The following BNC2 variants were observed in gnomAD, a reference collection of about 807,000 sequenced individuals.
BNC2 encodes basonuclin zinc finger protein 2.
BNC2 carries 20 observed loss-of-function variants against 76.3 expected under a neutral mutation model. The observed-to-expected ratio is 0.26, with a 90% CI of 0.18 to 0.38. The LOEUF (loss-of-function observed/expected upper bound fraction) is 0.38. BNC2 is among the 10% of genes least tolerant of loss of function. The pLI is 1.00. For synonymous variants in BNC2, 582 were observed against 514.8 expected (o/e 1.13, Z -1.77); for missense variants, 1,382 against 1,399.8 (o/e 0.99, Z 0.20).
chr9:16,451,292 G>T (rs1406511395), intron 5 of BNC2, among the ~76,000 whole-genome samples: 1 of 151,988 alleles, frequency 6.6e-6, no homozygotes, highest in Non-Finnish European at 1.5e-5. Context: ...AATGCCAAAA[G>T]GTACCTGGGT....
intron 5 of BNC2, among the ~76,000 whole-genome samples, chr9:16,543,000 T>A (rs1818371278): frequency 6.6e-6 from 1 of 152,144 alleles, no homozygotes; most frequent in Non-Finnish European, 1.5e-5. Flanking sequence ...GAGGATTTCA[T>A]TCCTGTACAA....
chr9:16,436,599 G>T lies in BNC2; in HGVS notation c.1595C>A (p.Thr532Lys), dbSNP rs879473402. ...ACCCATTGGGGGTCGGCCAGGGCTT[G>T]TGAGTGCCAGATTTGATTTTGTACT... ...IASTKSNLAL[T>K]SPGRPPMGFT... The change falls in exon 6 of 7, where the codon ACA (threonine) becomes AAA (lysine). Residue 532 changes from threonine to lysine, a missense_variant. Around this residue, in one of 3 missense-constraint regions of BNC2, gnomAD observed 798 missense variants for 775.5 expected, o/e 1.03. Transcript: ENST00000380672. 2.5e-6 allele frequency: 4 copies of T among 1,614,128 alleles called. No individual in the cohort carries two copies. The highest frequency in any genetic ancestry group is 3.4e-6 in the Non-Finnish European group (4 of 1,180,022).
chr9:16,566,700 T>C (rs931413260), intron 4 of BNC2, among the ~76,000 whole-genome samples: 2 of 152,152 alleles, frequency 1.3e-5, no homozygotes, highest in Non-Finnish European at 2.9e-5. Context: ...AGATTTGTGA[T>C]CAATACGCTA....
chr9:16,437,645 C>CA, intron 5 of BNC2, 121 bp from the exon 6 acceptor site: 1 of 1,198,170 alleles, frequency 8.3e-7, no homozygotes, highest in Non-Finnish European at 1.2e-6. Flanking sequence ...GAGCAGAAAA[C>CA]AACATGCAAG....
chr9:16,576,903 A>G (rs1269704783), intron 4 of BNC2, among the ~76,000 whole-genome samples: 1 of 152,074 alleles, frequency 6.6e-6, no homozygotes, highest in African/African-American at 2.4e-5. Flanking sequence ...ACACCCAGCT[A>G]ATTTTTGTAT....
intron 3 of BNC2, among the ~76,000 whole-genome samples, chr9:16,675,056 A>C (rs1382903105): frequency 6.6e-6 from 1 of 152,218 alleles, no homozygotes; most frequent in African/African-American, 2.4e-5. Flanking sequence ...GCATCAAGCT[A>C]GCACATTTCA....
At chr9:16,730,231 G>C (rs1319834890) in intron 2 of BNC2, among the ~76,000 whole-genome samples, 1 of 152,162 alleles carries the variant, frequency 6.6e-6, no homozygotes, top group Non-Finnish European at 1.5e-5. Context: ...CCATGTCAAA[G>C]CCGATATAAT....
At chr9:16,716,022 A>C (rs1243122871) in intron 3 of BNC2, among the ~76,000 whole-genome samples, 1 of 152,222 alleles carries the variant, frequency 6.6e-6, no homozygotes, top group Admixed American at 6.5e-5. Flanking sequence ...TCCAGAACTG[A>C]TGACCCAGCC....
intron 1 of BNC2, among the ~76,000 whole-genome samples, chr9:16,821,233 CAA>C (rs71491694): frequency 3.2e-4 from 36 of 112,646 alleles, no homozygotes; most frequent in Non-Finnish European, 3.3e-4. Context: ...AACTCCGTCT[CAA>C]AAAAAAAAAA....
intron 3 of BNC2, among the ~76,000 whole-genome samples, chr9:16,619,785 C>T (rs1334681130): frequency 6.6e-6 from 1 of 152,130 alleles, no homozygotes; most frequent in Non-Finnish European, 1.5e-5. Flanking sequence ...GTAACACACT[C>T]TAAGGGCACT....
chr9:16,853,454 T>G (rs1819178153), intron 1 of BNC2, among the ~76,000 whole-genome samples: 1 of 152,174 alleles, frequency 6.6e-6, no homozygotes, highest in South Asian at 2.1e-4. Flanking sequence ...ACTAGTTCTT[T>G]GATTTTCAAC....
chr9:16,606,132 G>A (rs1279664292), intron 3 of BNC2, among the ~76,000 whole-genome samples: 1 of 152,124 alleles, frequency 6.6e-6, no homozygotes, highest in African/African-American at 2.4e-5. Context: ...CAACATTTGA[G>A]TCCTAAGTAA....
At chr9:16,553,256 G>T (rs565299855) in intron 4 of BNC2, among the ~76,000 whole-genome samples, 154 of 152,306 alleles carry the variant, frequency 1.0e-3, no homozygotes, top group African/African-American at 3.5e-3. Flanking sequence ...TTAAAGAGGA[G>T]GAAGAGAGTG....
At chr9:16,717,228 T>C (rs1311698485) in intron 3 of BNC2, among the ~76,000 whole-genome samples, 4 of 152,186 alleles carry the variant, frequency 2.6e-5, no homozygotes, top group Admixed American at 2.0e-4. Flanking sequence ...TATGATCTTA[T>C]AGGATGACCT....
At chr9:16,528,239 T>C (rs1293696774) in intron 5 of BNC2, among the ~76,000 whole-genome samples, 5 of 152,200 alleles carry the variant, frequency 3.3e-5, no homozygotes, top group Non-Finnish European at 7.3e-5. Flanking sequence ...AAAATGACAA[T>C]AGTTCTTGAA....
At chr9:16,857,648 C>T (rs1461337556) in intron 1 of BNC2, among the ~76,000 whole-genome samples, 1 of 151,960 alleles carries the variant, frequency 6.6e-6, no homozygotes, top group East Asian at 1.9e-4. Flanking sequence ...AAAAAATGCA[C>T]ACTCGCTTTG....
intron 5 of BNC2, among the ~76,000 whole-genome samples, chr9:16,503,767 A>T (rs1459332316): frequency 1.3e-5 from 2 of 152,194 alleles, no homozygotes; most frequent in Non-Finnish European, 1.5e-5. Context: ...ATATATGGAT[A>T]TACAAACTAC....
At chr9:16,844,474 T>G (rs1464001809) in intron 1 of BNC2, among the ~76,000 whole-genome samples, 1 of 150,210 alleles carries the variant, frequency 6.7e-6, no homozygotes, top group Non-Finnish European at 1.5e-5. Context: ...AGTAGTATTT[T>G]TACGAATATT....
chr9:16,422,294 G>A (rs750945823), intron 6 of BNC2, among the ~76,000 whole-genome samples: 6 of 152,090 alleles, frequency 3.9e-5, no homozygotes, highest in African/African-American at 7.2e-5. Context: ...TCCCTTTTCC[G>A]CTGTCAGCAG....
Sources: allele counts gnomAD v4.1 joint callset (sites outside exome capture counted in the v4.1 genomes callset), GRCh38; gene constraint gnomAD v4.1.1; regional missense constraint gnomAD v4.1.1; transcripts MANE v1.5; gene names NCBI Gene and HGNC (gene_info 2026-07-23, HGNC 2026-07-21).